ZNF883: variants seen among roughly 807,000 people sequenced by gnomAD.
ZNF883 encodes zinc finger protein 883.
chr9:112,995,136 A>T (rs1828338385), downstream of ZNF883, among the ~76,000 whole-genome samples: 1 of 152,182 alleles, frequency 6.6e-6, no homozygotes, highest in African/African-American at 2.4e-5. Flanking sequence ...GAACCAGTAG[A>T]CTAAGTAAAG....
chr9:112,989,615 T>C (rs2118595104), intron 1 of ZNF883, among the ~76,000 whole-genome samples: 1 of 152,294 alleles, frequency 6.6e-6, no homozygotes. Context: ...CTTTTTTTGG[T>C]TCCATATGAA....
At position 112,997,358 on chromosome 9, in the gene ZNF883, A is replaced by G. The variant is rs748600665; in HGVS notation, n.902T>C. On this transcript the variant is annotated non_coding_transcript_exon_variant, in exon 1 of 1. Transcript: ENST00000639662. The stretch of plus-strand genomic sequence containing the variant: ...AATTAGTGATGTTCTATAGCAAAAC[A>G]GTTTCTGACATTCATTACATTGATA... The G allele has an allele frequency of 4.3e-6, 7 of 1,613,974 alleles. 1 individual carries two copies. The South Asian group carries it at 7.7e-5, about 18-fold the overall frequency.
chr9:112,998,388 A>G, upstream of ZNF883: 1 of 700,060 alleles, frequency 1.4e-6, no homozygotes, highest in East Asian at 3.2e-5. Context: ...CTTATATCTA[A>G]TAAATTATTT....
Position 113,010,298 on chromosome 9 carries a change from C to G in ZNF883, n.165+843G>C, listed in dbSNP as rs74983440. On this transcript the variant is annotated intron_variant and non_coding_transcript_variant, in intron 2 of 4. Transcript: ENST00000638622. ...ATTTTATTTGTACAAATCTGCCCAA[C>G]AGGCTCAAGAAAGTATGTTATCTAA... 1.9e-3 allele frequency among the ~76,000 whole-genome samples: 282 copies of G among 152,326 alleles called. 6 individuals carry two copies. In the East Asian group the frequency reaches 0.046, roughly 25 times the overall value.
chr9:113,004,149 C>T (rs758390696), intron 2 of ZNF883, among the ~76,000 whole-genome samples: 40 of 152,332 alleles, frequency 2.6e-4, no homozygotes, highest in Middle Eastern at 6.8e-3. Flanking sequence ...AGTTACGCAG[C>T]TGAAAGCTGA....
upstream of ZNF883, among the ~76,000 whole-genome samples, chr9:113,003,010 A>T (rs1359109738): frequency 6.6e-6 from 1 of 152,194 alleles, no homozygotes; most frequent in Admixed American, 6.5e-5. Flanking sequence ...CAGAACTGTG[A>T]TAAATAAATT....
chr9:113,003,115 A>T (rs1219238127), upstream of ZNF883, among the ~76,000 whole-genome samples: 2 of 152,142 alleles, frequency 1.3e-5, no homozygotes, highest in Non-Finnish European at 2.9e-5. Flanking sequence ...CCCCACCCAA[A>T]TCTCACCTGG....
intron 1 of ZNF883, among the ~76,000 whole-genome samples, chr9:112,990,773 T>G (rs781070831): frequency 2.6e-5 from 4 of 151,900 alleles, no homozygotes; most frequent in Non-Finnish European, 4.4e-5. Context: ...GTTGGTAGCT[T>G]ATTATTGCCT....
intron 1 of ZNF883, among the ~76,000 whole-genome samples, chr9:112,989,908 T>C (rs967477925): frequency 1.3e-5 from 2 of 152,210 alleles, no homozygotes; most frequent in Non-Finnish European, 2.9e-5. Flanking sequence ...ATGATTTGGC[T>C]TTCTGCTTGC....
At chr9:112,992,427 G>C (rs117050373), downstream of ZNF883, among the ~76,000 whole-genome samples, 8,313 of 152,270 alleles carry the variant, frequency 0.055, 320 homozygotes, top group East Asian at 0.091. Context: ...CAAGCTTGTA[G>C]GGTTTCTGCT....
Position 113,008,491 on chromosome 9 carries a change from CAG to C in ZNF883, n.165+2648_165+2649del, listed in dbSNP as rs531585579. Among the ~76,000 whole-genome samples, 125 of 152,262 alleles carry C rather than the reference CAG, an allele frequency of 8.2e-4. 3 individuals are homozygous for C. The South Asian group carries it at 0.024, about 29-fold the overall frequency. Reference sequence around the variant, plus strand: ...TGGAATTACAGTTGAACTCTTTTAACAGAAGTTCCTTTCAACTCAAGAATGAT... The same window carrying C: ...TGGAATTACAGTTGAACTCTTTTAACAAGTTCCTTTCAACTCAAGAATGAT... On this transcript the variant is annotated intron_variant and non_coding_transcript_variant, in intron 2 of 4. Coordinates refer to the ZNF883 transcript ENST00000638622.
At chr9:113,010,863 G>A (rs922572932) in intron 2 of ZNF883, among the ~76,000 whole-genome samples, 76 of 151,844 alleles carry the variant, frequency 5.0e-4, no homozygotes, top group African/African-American at 1.8e-3. Flanking sequence ...GTGCACGCCT[G>A]TAATTCCAGC....
At chr9:112,997,931 G>C (rs1214390509) in exon 1 of ZNF883, 3 of 1,613,786 alleles carry the variant, frequency 1.9e-6, no homozygotes, top group Non-Finnish European at 2.5e-6. Flanking sequence ...TCTAAGGGAT[G>C]ACCTATGACT....
downstream of ZNF883, among the ~76,000 whole-genome samples, chr9:112,994,643 T>C (rs1217261349): frequency 2.0e-5 from 3 of 152,106 alleles, no homozygotes; most frequent in African/African-American, 4.8e-5. Flanking sequence ...TTAGAAAAGG[T>C]TTATTCCCTA....
At chr9:112,995,797 T>C (rs1828348149), downstream of ZNF883, among the ~76,000 whole-genome samples, 1 of 152,144 alleles carries the variant, frequency 6.6e-6, no homozygotes, top group African/African-American at 2.4e-5. Context: ...ACTAAACTGC[T>C]AGATTTCCTA....
upstream of ZNF883, among the ~76,000 whole-genome samples, chr9:113,000,625 G>T (rs1424668414): frequency 2.0e-5 from 3 of 152,080 alleles, no homozygotes; most frequent in African/African-American, 7.2e-5. Context: ...TACAAAACAA[G>T]ATTCATAAAG....
downstream of ZNF883, among the ~76,000 whole-genome samples, chr9:112,993,075 A>G (rs1290146219): frequency 6.6e-6 from 1 of 152,192 alleles, no homozygotes; most frequent in African/African-American, 2.4e-5. Flanking sequence ...CTGTCAATTC[A>G]TCCATCCTCA....
At chr9:113,006,765 T>C (rs1828481158) in intron 2 of ZNF883, among the ~76,000 whole-genome samples, 1 of 152,162 alleles carries the variant, frequency 6.6e-6, no homozygotes, top group African/African-American at 2.4e-5. Context: ...CTGTCTCTCT[T>C]CTTCTACAGC....
chr9:112,995,092 C>T (rs1321006386), downstream of ZNF883, among the ~76,000 whole-genome samples: 1 of 152,160 alleles, frequency 6.6e-6, no homozygotes, highest in East Asian at 1.9e-4. Flanking sequence ...TTCTAGGTGT[C>T]TTTGAATGTG....
Sources: allele counts gnomAD v4.1 joint callset (sites outside exome capture counted in the v4.1 genomes callset), GRCh38; gene constraint gnomAD v4.1.1; transcripts MANE v1.5; gene names NCBI Gene and HGNC (gene_info 2026-07-23, HGNC 2026-07-21).